DLG2: variants seen among roughly 807,000 people sequenced by gnomAD.
DLG2 encodes discs large MAGUK scaffold protein 2.
In DLG2, 45 loss-of-function variants were observed where a neutral mutation model predicts 132.5. That is an observed-to-expected ratio of 0.34 (90% CI 0.27 to 0.44). The LOEUF (loss-of-function observed/expected upper bound fraction) is 0.44, where lower values mean the gene tolerates loss of function less well. DLG2 is among the 20% of genes least tolerant of loss of function. The pLI, the probability that DLG2 is intolerant of heterozygous loss-of-function variation, is 1.00. For missense variants in DLG2, 1,045 were observed against 1,196.9 expected (o/e 0.87, Z 1.87); for synonymous variants, 424 against 419.6 (o/e 1.01, Z -0.13).
At chr11:84,369,937 G>A (rs952806008) in intron 7 of DLG2, among the ~76,000 whole-genome samples, 2 of 152,152 alleles carry the variant, frequency 1.3e-5, no homozygotes, top group African/African-American at 4.8e-5. Context: ...ATTCACAGAA[G>A]CTATTTCACT....
intron 6 of DLG2, among the ~76,000 whole-genome samples, chr11:84,708,621 C>T (rs967284912): frequency 6.6e-6 from 1 of 151,786 alleles, no homozygotes; most frequent in Non-Finnish European, 1.5e-5. Flanking sequence ...TCAGCCAAAA[C>T]AGGCATCCGG....
At chr11:85,427,380 G>A (rs1302029800) in intron 3 of DLG2, among the ~76,000 whole-genome samples, 2 of 152,190 alleles carry the variant, frequency 1.3e-5, no homozygotes, top group Non-Finnish European at 1.5e-5. Context: ...CAGAGAGAAA[G>A]GTCAGGTTAC....
At chr11:84,649,598 A>G (rs932816928) in intron 6 of DLG2, among the ~76,000 whole-genome samples, 10 of 152,340 alleles carry the variant, frequency 6.6e-5, no homozygotes, top group East Asian at 1.9e-4. Flanking sequence ...TTAAACAGGA[A>G]AATCAAGGTA....
intron 6 of DLG2, among the ~76,000 whole-genome samples, chr11:84,952,438 A>C (rs1375821048): frequency 6.6e-6 from 1 of 152,074 alleles, no homozygotes; most frequent in African/African-American, 2.4e-5. Context: ...AATGGCGTGA[A>C]CCCGGAAGGC....
chr11:85,608,901 G>T (rs949277072), intron 2 of DLG2, among the ~76,000 whole-genome samples: 1 of 152,132 alleles, frequency 6.6e-6, no homozygotes, highest in African/African-American at 2.4e-5. Context: ...AAAAGAATGT[G>T]GCTTTAGCTG....
intron 3 of DLG2, among the ~76,000 whole-genome samples, chr11:85,401,737 C>T (rs1596982068): frequency 6.6e-6 from 1 of 152,064 alleles, no homozygotes; most frequent in Non-Finnish European, 1.5e-5. Flanking sequence ...CTCCCATTCA[C>T]AATTACTACA....
intron 3 of DLG2, among the ~76,000 whole-genome samples, chr11:85,562,718 A>G (rs1286272046): frequency 6.6e-6 from 1 of 151,758 alleles, no homozygotes; most frequent in East Asian, 1.9e-4. Context: ...AAGCCCGATC[A>G]TGGACTTCCC....
intron 6 of DLG2, among the ~76,000 whole-genome samples, chr11:84,579,286 T>C (rs2099510936): frequency 6.6e-6 from 1 of 152,012 alleles, no homozygotes; most frequent in Non-Finnish European, 1.5e-5. Flanking sequence ...GATTTTTCTT[T>C]TGTAAAAATA....
intron 3 of DLG2, among the ~76,000 whole-genome samples, chr11:85,529,257 C>T (rs1316747506): frequency 6.6e-6 from 1 of 152,140 alleles, no homozygotes; most frequent in African/African-American, 2.4e-5. Flanking sequence ...CCTACCATCA[C>T]CACCTGTTCC....
intron 7 of DLG2, among the ~76,000 whole-genome samples, chr11:84,387,848 T>C (rs75333953): frequency 0.011 from 1,634 of 152,298 alleles, 28 homozygotes; most frequent in African/African-American, 0.037. Flanking sequence ...ATTTTTCTAC[T>C]TCTACATTCT....
At chr11:84,814,238 C>T (rs1263535652) in intron 6 of DLG2, among the ~76,000 whole-genome samples, 1 of 152,028 alleles carries the variant, frequency 6.6e-6, no homozygotes, top group Admixed American at 6.6e-5. Context: ...TGAGCCTACA[C>T]CCAGCACGTT....
chr11:85,032,347 G>A (rs2061078851), intron 6 of DLG2, among the ~76,000 whole-genome samples: 1 of 152,074 alleles, frequency 6.6e-6, no homozygotes, highest in African/African-American at 2.4e-5. Context: ...CCAGAGAGAA[G>A]CATTATAAAC....
chr11:84,383,083 T>C (rs1189158554), intron 7 of DLG2, among the ~76,000 whole-genome samples: 4 of 152,070 alleles, frequency 2.6e-5, no homozygotes, highest in Non-Finnish European at 4.4e-5. Flanking sequence ...CATTTTTCCC[T>C]TGGCTTTTGG....
At chr11:83,800,582 G>C (rs2044087366) in intron 17 of DLG2, among the ~76,000 whole-genome samples, 1 of 152,082 alleles carries the variant, frequency 6.6e-6, no homozygotes, top group Non-Finnish European at 1.5e-5. Context: ...GTGAAAAATT[G>C]ATATTGAATA....
intron 11 of DLG2, among the ~76,000 whole-genome samples, chr11:83,987,385 C>A (rs2093403297): frequency 6.6e-6 from 1 of 152,134 alleles, no homozygotes; most frequent in Non-Finnish European, 1.5e-5. Flanking sequence ...GCCCGCATCG[C>A]CAAGGCAATC....
At chr11:85,413,863 G>A (rs1468100761) in intron 3 of DLG2, among the ~76,000 whole-genome samples, 3 of 151,952 alleles carry the variant, frequency 2.0e-5, no homozygotes, top group Non-Finnish European at 4.4e-5. Context: ...TTTTTGCTTA[G>A]TCTTGCTTTG....
chr11:85,459,248 T>C (rs893662287), intron 3 of DLG2, among the ~76,000 whole-genome samples: 1 of 152,012 alleles, frequency 6.6e-6, no homozygotes, highest in Non-Finnish European at 1.5e-5. Context: ...CTCAGAAAAA[T>C]GTAGAGCCAC....
At chr11:84,144,115 T>C (rs142343689) in intron 9 of DLG2, among the ~76,000 whole-genome samples, 100 of 152,270 alleles carry the variant, frequency 6.6e-4, no homozygotes, top group Admixed American at 1.3e-3. Context: ...TTTCATGACC[T>C]GCTATGTAAT....
chr11:85,383,490 T>C (rs762482546), intron 3 of DLG2, among the ~76,000 whole-genome samples: 5 of 152,106 alleles, frequency 3.3e-5, no homozygotes, highest in Non-Finnish European at 5.9e-5. Context: ...AAGCTACTAG[T>C]AAGAACAAAA....
Sources: gnomAD v4.1 joint callset for allele counts (sites outside exome capture counted in the v4.1 genomes callset) on GRCh38, gnomAD v4.1.1 for gene constraint, MANE v1.5 for transcripts, NCBI Gene and HGNC (gene_info 2026-07-23, HGNC 2026-07-21) for gene names.